SRPK1: variants seen among roughly 807,000 people sequenced by gnomAD.
The protein encoded by SRPK1 is SFRS protein kinase 1.
In SRPK1, 52 loss-of-function variants were observed where a neutral mutation model predicts 89.5. The observed-to-expected ratio is 0.58, with a 90% CI of 0.46 to 0.73. The LOEUF (loss-of-function observed/expected upper bound fraction) is 0.73, where lower values mean the gene tolerates loss of function less well. SRPK1 is among the 30% of genes least tolerant of loss of function. SRPK1 has a pLI of 0.00. For missense variants in SRPK1, 603 were observed against 780.6 expected, an observed-to-expected ratio of 0.77 and a Z score of 2.71; for synonymous variants, 255 against 270.2, an observed-to-expected ratio of 0.94 and a Z score of 0.55.
At chr6:35,907,207 G>A (rs1476067817) in intron 2 of SRPK1, among the ~76,000 whole-genome samples, 3 of 151,974 alleles carry the variant, frequency 2.0e-5, no homozygotes, top group Non-Finnish European at 2.9e-5. Flanking sequence ...TAAAAGACTA[G>A]AAACTTTTCA....
rs1770631992 is a variant in SRPK1, at chr6:35,896,678, G to C, written c.75-5665C>G. Among the ~76,000 whole-genome samples the C allele has an allele frequency of 1.3e-5, 2 of 152,200 alleles. 1 individual carries two copies. Among genetic ancestry groups the C allele is most frequent in the Non-Finnish European group, 2.9e-5 (2 of 68,034 alleles). On this transcript the variant is annotated intron_variant, in intron 2 of 15. Transcript: ENST00000373825. ...TAGTTGTATGATTTTGTTACCAGTA[G>C]TGTTAACCTGAATGGGATCTGGTTA... is the stretch of plus-strand genomic sequence containing the variant.
chr6:35,880,746 A>AAAAAAAAAAAAAAAAAGAAAG (rs1770263877), intron 6 of SRPK1, among the ~76,000 whole-genome samples: 1 of 89,202 alleles, frequency 1.1e-5, no homozygotes, highest in Non-Finnish European at 2.2e-5. Context: ...AAAAAAAAAA[A>AAAAAAAAAAAAAAAAAGAAAG]AAAAGAAAAG....
chr6:35,911,481 A>G (rs1326495652), intron 2 of SRPK1, among the ~76,000 whole-genome samples: 1 of 152,114 alleles, frequency 6.6e-6, no homozygotes, highest in Non-Finnish European at 1.5e-5. Context: ...TTGGGAGGCC[A>G]AGGTGGGAGG....
intron 8 of SRPK1, among the ~76,000 whole-genome samples, chr6:35,871,163 A>G (rs1770028200): frequency 6.9e-6 from 1 of 145,364 alleles, no homozygotes; most frequent in African/African-American, 2.8e-5. Flanking sequence ...TGCCAAACTT[A>G]AAAAAAAGGG....
Position 35,870,264 on chromosome 6 carries a change from T to C in SRPK1, c.991+17A>G, listed in dbSNP as rs201306915. ...AAAGTGTGTTGTACAGTAATTTTCG[T>C]GATGTTCTATTTATACCAAGTTTTT... is the stretch of plus-strand genomic sequence containing the variant. On this transcript the variant is annotated intron_variant, in intron 10 of 15. Transcript: ENST00000373825. The C allele has an allele frequency of 5.3e-5, 85 of 1,603,992 alleles. No homozygotes were observed. The highest frequency in any genetic ancestry group is 2.2e-4 in the Admixed American group (13 of 58,654).
At chr6:35,850,051 C>T (rs904499066) in intron 13 of SRPK1, among the ~76,000 whole-genome samples, 11 of 151,614 alleles carry the variant, frequency 7.3e-5, no homozygotes, top group African/African-American at 2.7e-4. Flanking sequence ...GTTACAGAGA[C>T]TGGGGGGTGA....
rs775541427 is a variant in SRPK1 at position 35,872,602 on chromosome 6, A to G, written c.712T>C (p.Trp238Arg). The G allele has an allele frequency of 3.1e-6, 5 of 1,612,254 alleles. No individual in the cohort carries two copies. The highest frequency in any genetic ancestry group is 4.2e-6 in the Non-Finnish European group (5 of 1,179,282). ...IRRLAAEATE[W>R]QRSGAPPPSG... ...GGCGGAGGAGCTCCAGATCGCTGCC[A>G]TTCTGTTGCTTCTGCAGCCAGCCTC... The change falls in exon 8 of 16, where the codon TGG (tryptophan) becomes CGG (arginine). Residue 238 changes from tryptophan to arginine, a missense_variant. Transcript: ENST00000373825.
chr6:35,916,979 G>A (rs891636671), intron 2 of SRPK1, among the ~76,000 whole-genome samples: 1 of 152,184 alleles, frequency 6.6e-6, no homozygotes, highest in African/African-American at 2.4e-5. Flanking sequence ...AGAATGGCTT[G>A]AGCCCGGGAG....
chr6:35,902,669 C>A (rs1273154679), intron 2 of SRPK1, among the ~76,000 whole-genome samples: 1 of 152,136 alleles, frequency 6.6e-6, no homozygotes, highest in Non-Finnish European at 1.5e-5. Flanking sequence ...TGGAGGCAGG[C>A]TGAAATCCGG....
chr6:35,872,762 CA>C, intron 7 of SRPK1, 34 bp from the exon 8 acceptor site: 1 of 1,526,130 alleles, frequency 6.6e-7, no homozygotes, highest in Non-Finnish European at 8.8e-7. Flanking sequence ...CTTGCAAACA[CA>C]AAATACAGGC....
At chr6:35,914,529 C>T (rs1297140370) in intron 2 of SRPK1, among the ~76,000 whole-genome samples, 3 of 152,144 alleles carry the variant, frequency 2.0e-5, no homozygotes, top group Non-Finnish European at 4.4e-5. Context: ...GTGTGGCCTC[C>T]ATCACCCTAT....
At chr6:35,871,752 T>C (rs1770040901) in intron 8 of SRPK1, among the ~76,000 whole-genome samples, 3 of 152,216 alleles carry the variant, frequency 2.0e-5, no homozygotes, top group African/African-American at 7.2e-5. Flanking sequence ...TTATTTAATT[T>C]TATGTCTTAG....
intron 2 of SRPK1, among the ~76,000 whole-genome samples, chr6:35,901,530 C>T (rs1217706890): frequency 6.6e-6 from 1 of 152,158 alleles, no homozygotes; most frequent in East Asian, 1.9e-4. Flanking sequence ...TGTTTAGCCA[C>T]CCAGTTTTTG....
At chr6:35,920,446 G>A in intron 2 of SRPK1, 22 bp downstream of exon 2, 1 of 1,612,162 alleles carries the variant, frequency 6.2e-7, no homozygotes, top group Non-Finnish European at 8.5e-7. Flanking sequence ...CAAAGAATGG[G>A]ATGTTGGGGT....
At chr6:35,863,379 C>G (rs1769823684) in intron 12 of SRPK1, among the ~76,000 whole-genome samples, 1 of 150,618 alleles carries the variant, frequency 6.6e-6, no homozygotes, top group Non-Finnish European at 1.5e-5. Flanking sequence ...ACTGCTTGAG[C>G]CCAGGAGTTA....
intron 2 of SRPK1, among the ~76,000 whole-genome samples, chr6:35,913,196 T>C (rs1581601544): frequency 6.6e-6 from 1 of 152,336 alleles, no homozygotes; most frequent in African/African-American, 2.4e-5. Context: ...GGATGCACTG[T>C]AGTAGAAACA....
chr6:35,868,993 A>T lies in SRPK1; in HGVS notation c.1512+17T>A. On this transcript the variant is annotated intron_variant, in intron 12 of 15. Coordinates refer to ENST00000373825, the MANE Select transcript of SRPK1 (RefSeq NM_003137.5). ...TCCCAGTCACTTCAAAACACCATTA[A>T]GGCAAGTTTAACTTACCACCCAACA... The T allele has an allele frequency of 6.2e-7, 1 of 1,603,516 alleles. No individual in the cohort carries two copies. The highest frequency in any genetic ancestry group is 1.3e-5 in the African/African-American group (1 of 74,762).
At chr6:35,878,561 C>T (rs1770207446) in intron 6 of SRPK1, among the ~76,000 whole-genome samples, 1 of 152,134 alleles carries the variant, frequency 6.6e-6, no homozygotes. Context: ...CAGTGGCAAC[C>T]ACCTATCCCC....
intron 2 of SRPK1, among the ~76,000 whole-genome samples, chr6:35,902,078 G>A (rs1313405241): frequency 6.6e-6 from 1 of 151,942 alleles, no homozygotes; most frequent in African/African-American, 2.4e-5. Flanking sequence ...CAACACATGA[G>A]CTAAAACTAT....
Sources: gnomAD v4.1 joint callset for allele counts (sites outside exome capture counted in the v4.1 genomes callset) on GRCh38, gnomAD v4.1.1 for gene constraint, MANE v1.5 for transcripts, NCBI Gene and HGNC (gene_info 2026-07-23, HGNC 2026-07-21) for gene names.